The following DENND2C variants were observed in gnomAD, a reference collection of about 807,000 sequenced individuals.
DENND2C encodes the protein DENN domain containing 2C.
In DENND2C, 72 loss-of-function variants were observed where a neutral mutation model predicts 112.4. The ratio of observed to expected loss-of-function variants is 0.64; its 90% CI spans 0.53 to 0.78. DENND2C has a LOEUF of 0.78. DENND2C is among the 30% of genes least tolerant of loss of function. The probability of loss-of-function intolerance (pLI) is 0.00; values close to 1 mark genes in which losing one functional copy is unlikely to be tolerated. For synonymous variants in DENND2C, 329 were observed against 381.6 expected, an observed-to-expected ratio of 0.86 and a Z score of 1.61; for missense variants, 992 against 1,113.8, an observed-to-expected ratio of 0.89 and a Z score of 1.56.
intron 1 of DENND2C, among the ~76,000 whole-genome samples, chr1:114,663,070 C>G (rs2101700297): frequency 6.6e-6 from 1 of 152,180 alleles, no homozygotes; most frequent in East Asian, 1.9e-4. Context: ...ATTTTTTTCT[C>G]TTATCATCAT....
intron 6 of DENND2C, 72 bp downstream of exon 6, chr1:114,622,915 A>G (rs1656205305): frequency 8.5e-7 from 1 of 1,174,918 alleles, no homozygotes; most frequent in Admixed American, 2.2e-5. Flanking sequence ...ACCCAGTTAA[A>G]TCCCCTTAAT....
chr1:114,587,542 G>C, intron 19 of DENND2C, 69 bp from the exon 20 acceptor site: 1 of 1,554,036 alleles, frequency 6.4e-7, no homozygotes, highest in South Asian at 1.1e-5. Context: ...AAAATTCTGT[G>C]CTTATAACCA....
At chr1:114,594,705 C>T in intron 17 of DENND2C, 127 bp from the exon 18 acceptor site, 1 of 657,974 alleles carries the variant, frequency 1.5e-6, no homozygotes, top group Non-Finnish European at 2.6e-6. Flanking sequence ...AAGAGTCAGT[C>T]TGAAGTCTCC....
At chr1:114,628,665 C>CGT (rs1656410698) in intron 3 of DENND2C, among the ~76,000 whole-genome samples, 1 of 152,178 alleles carries the variant, frequency 6.6e-6, no homozygotes, top group South Asian at 2.1e-4. Context: ...ATGTGGCTTG[C>CGT]GTGTTCTCAC....
In DENND2C at chr1:114,599,404, A is replaced by G. The variant is rs778125043; in HGVS notation, c.2153T>C (p.Phe718Ser). 6.2e-7 allele frequency: 1 copy of G among 1,614,042 alleles called. No homozygotes were observed. The highest frequency in any genetic ancestry group is 1.1e-5 in the South Asian group (1 of 91,078). Residue 718 changes from phenylalanine (F) to serine (S), a missense_variant, in exon 16 of 21, where the codon TTC becomes TCC. Around this residue, in one of 3 missense-constraint regions of DENND2C, gnomAD observed 516 missense variants for 623.6 expected, o/e 0.83. Transcript: ENST00000393274. ...GHAVVATLYP[F>S]TWQHTYIPVL... ...TGGGATATAGGTATGCTGCCAGGTG[A>G]ACGGATACAGTGTAGCTACCACAGC...
intron 8 of DENND2C, among the ~76,000 whole-genome samples, chr1:114,611,778 A>AAC (rs6143386): frequency 0.064 from 9,472 of 148,210 alleles, 313 homozygotes; most frequent in Middle Eastern, 0.083. Context: ...GAGCACAGGC[A>AAC]ACACACACAC....
At chr1:114,586,806 G>A (rs1655051394) in intron 20 of DENND2C, 1 of 150,822 alleles carries the variant, frequency 6.6e-6, no homozygotes, top group Non-Finnish European at 1.5e-5. Flanking sequence ...ATCTTACTGA[G>A]GCCTCAAACT....
At chr1:114,647,653 T>A (rs1332912034) in intron 2 of DENND2C, among the ~76,000 whole-genome samples, 2 of 152,146 alleles carry the variant, frequency 1.3e-5, no homozygotes, top group East Asian at 3.8e-4. Context: ...ACCCCTAACC[T>A]CAAGTGATTC....
chr1:114,653,985 T>G (rs1202715761), intron 2 of DENND2C, among the ~76,000 whole-genome samples: 1 of 152,210 alleles, frequency 6.6e-6, no homozygotes, highest in African/African-American at 2.4e-5. Flanking sequence ...ATGAATGTTA[T>G]AAAAGGTTGT....
At position 114,602,213 on chromosome 1, in the gene DENND2C, G is replaced by A. The variant is rs1347117290; in HGVS notation, c.1668-19C>T. ...TGTTTCACTGAAAAAAGAGCCAATA[G>A]TTAGTTTAGGATCCAAACAATTACT... On this transcript the variant is annotated intron_variant, in intron 11 of 20. Coordinates refer to ENST00000393274, the MANE Select transcript of DENND2C (RefSeq NM_001256404.2). The A allele has an allele frequency of 4.3e-6, 7 of 1,611,960 alleles. No homozygotes were observed.
rs1039879142 is a variant in DENND2C, at chr1:114,622,154, C to T, written c.1057-89G>A. 2.1e-5 allele frequency: 29 copies of T among 1,366,686 alleles called. No homozygotes were observed. The African/African-American group carries it at 4.0e-4, about 19-fold the overall frequency. The allele number at this position is 1,366,686 out of a possible 1,614,324, so 84.7% of individuals were successfully genotyped here. A position where few individuals can be genotyped will look rare whatever the true frequency, so the allele number is the denominator to read the frequency against. The stretch of plus-strand genomic sequence containing the variant: ...TTTGAGATGGGGTCTTGCTCTGTCG[C>T]CCAGGCTGGAATGCAGTGGCACGAT... On this transcript the variant is annotated intron_variant, in intron 6 of 20. Transcript: ENST00000393274.
At chr1:114,605,972 C>T (rs1655647914) in intron 10 of DENND2C, among the ~76,000 whole-genome samples, 1 of 152,086 alleles carries the variant, frequency 6.6e-6, no homozygotes, top group Non-Finnish European at 1.5e-5. Context: ...TTTCAGTAAA[C>T]CAGACATTTA....
rs576899104 is a variant in DENND2C, at chr1:114,608,804, C to T, written c.1439G>A (p.Arg480Gln). Residue 480 changes from arginine (R) to glutamine (Q), a missense_variant, in exon 10 of 21, where the codon CGG becomes CAG. Physicochemically the swap from Arg to Gln is conservative, Grantham distance 43 (BLOSUM62 1). Around this residue, in one of 3 missense-constraint regions of DENND2C, gnomAD observed 516 missense variants for 623.6 expected, o/e 0.83. Transcript: ENST00000393274. ...KRNPHYQTLE[R>Q]DLIELQEQQL... is the part of the protein sequence containing the mutation. ...CTGCTCCTGTAATTCAATAAGATCCCGCTCCAAGGTCTGGTAGTGAGGATT... is the reference window on the plus strand; with the variant it reads ...CTGCTCCTGTAATTCAATAAGATCCTGCTCCAAGGTCTGGTAGTGAGGATT... 8.7e-6 allele frequency: 14 copies of T among 1,614,032 alleles called. No homozygotes were observed. The highest frequency in any genetic ancestry group is 3.3e-5 in the Admixed American group (2 of 59,992).
intron 1 of DENND2C, among the ~76,000 whole-genome samples, chr1:114,664,129 G>A (rs909450029): frequency 6.6e-6 from 1 of 151,918 alleles, no homozygotes; most frequent in Non-Finnish European, 1.5e-5. Context: ...TTGTAGAGAC[G>A]AGGTCTCCTT....
At position 114,618,417 on chromosome 1, in the gene DENND2C, A is replaced by C; in HGVS notation, c.1293T>G (p.Ser431=). The C allele has an allele frequency of 6.3e-7, 1 of 1,596,180 alleles. No individual in the cohort carries two copies. The highest frequency in any genetic ancestry group is 1.1e-5 in the South Asian group (1 of 87,686). The change falls in exon 8 of 21, where the codon TCT becomes TCG. Residue 431 remains serine (S), a synonymous_variant. Coordinates refer to ENST00000393274, the MANE Select transcript of DENND2C (RefSeq NM_001256404.2). The part of the protein sequence containing the change: ...KRGKKKVKLH[S]YTGKELPPTK... ...TCGGAGGTAATTCCTTTCCAGTGTA[A>C]GAATGTAACTTTACCTTCTTCTTCC... is the stretch of plus-strand genomic sequence containing the variant.
At chr1:114,594,304 G>C (rs182749624) in intron 18 of DENND2C, among the ~76,000 whole-genome samples, 169 bp downstream of exon 18, 41 of 152,320 alleles carry the variant, frequency 2.7e-4, no homozygotes, top group Non-Finnish European at 5.3e-4. Context: ...TCCTGAAATA[G>C]AAGAGGACCT....
At chr1:114,643,105 G>T (rs1656891055) in intron 3 of DENND2C, among the ~76,000 whole-genome samples, 1 of 152,088 alleles carries the variant, frequency 6.6e-6, no homozygotes, top group Admixed American at 6.6e-5. Flanking sequence ...GGAAAGTCAG[G>T]GATAAGACTG....
At position 114,610,181 on chromosome 1, in the gene DENND2C, T is replaced by C. The variant is rs559809546; in HGVS notation, c.1369+892A>G. Among the ~76,000 whole-genome samples the C allele has an allele frequency of 3.3e-5, 5 of 152,298 alleles. No individual in the cohort carries two copies. In the East Asian group the frequency reaches 7.7e-4, roughly 24 times the overall value. On this transcript the variant is annotated intron_variant, in intron 9 of 20. Transcript: ENST00000393274. ...GTCACTTAAATAGGAAGTAGATAAC[T>C]TGCTGTGATAACTAGAAAGCATCAT... is the stretch of plus-strand genomic sequence containing the variant.
In DENND2C at chr1:114,603,729, C is replaced by CA. The variant is rs547849293; in HGVS notation, c.1667+1192dup. ...GTTCTTTTGGTATTTTTTGTAGAGACAGGGACTTGCTATGTTGCCCAGGAT... is the reference window on the plus strand; with the variant it reads ...GTTCTTTTGGTATTTTTTGTAGAGACAAGGGACTTGCTATGTTGCCCAGGAT... On this transcript the variant is annotated intron_variant, in intron 11 of 20. Coordinates refer to ENST00000393274, the MANE Select transcript of DENND2C (RefSeq NM_001256404.2). Among the ~76,000 whole-genome samples the CA allele has an allele frequency of 2.2e-4, 34 of 151,888 alleles. 1 individual carries two copies. The highest frequency in any genetic ancestry group is 4.9e-4 in the Non-Finnish European group (33 of 67,946).
Sources: gnomAD v4.1 joint callset for allele counts (sites outside exome capture counted in the v4.1 genomes callset) on GRCh38, gnomAD v4.1.1 for gene constraint, gnomAD v4.1.1 regional missense constraint, MANE v1.5 for transcripts, NCBI Gene and HGNC (gene_info 2026-07-23, HGNC 2026-07-21) for gene names.